PTPRE: variants seen among roughly 807,000 people sequenced by gnomAD.
The protein encoded by PTPRE is receptor-type tyrosine-protein phosphatase epsilon.
In PTPRE, 51 loss-of-function variants were observed where a neutral mutation model predicts 102.0. The observed-to-expected ratio is 0.50, with a 90% CI of 0.40 to 0.63. PTPRE has a LOEUF of 0.63. Ranked by LOEUF, PTPRE falls within the 30% of genes least tolerant of loss-of-function variation. The probability of loss-of-function intolerance (pLI) is 0.00; values close to 1 mark genes in which losing one functional copy is unlikely to be tolerated. For synonymous variants in PTPRE, 345 were observed against 348.2 expected, an observed-to-expected ratio of 0.99 and a Z score of 0.10; for missense variants, 752 against 915.1, an observed-to-expected ratio of 0.82 and a Z score of 2.30.
chr10:127,940,356 C>A (rs1321929946), intron 1 of PTPRE, among the ~76,000 whole-genome samples: 3 of 152,212 alleles, frequency 2.0e-5, no homozygotes, highest in African/African-American at 7.2e-5. Flanking sequence ...GCCCAGCCAA[C>A]CCCTAGGACA....
chr10:128,072,016 G>C, intron 15 of PTPRE, 122 bp from the exon 16 acceptor site: 1 of 695,070 alleles, frequency 1.4e-6, no homozygotes, highest in Admixed American at 3.0e-5. Context: ...ACTTTCCAAA[G>C]AGTTGGCTTT....
At chr10:127,971,493 G>A (rs1410380279) in intron 1 of PTPRE, among the ~76,000 whole-genome samples, 2 of 152,164 alleles carry the variant, frequency 1.3e-5, no homozygotes, top group Non-Finnish European at 2.9e-5. Context: ...GTTTTCACTC[G>A]GTGCCGCCCT....
chr10:127,993,788 C>T (rs61873724), intron 2 of PTPRE, among the ~76,000 whole-genome samples: 25 of 70,002 alleles, frequency 3.6e-4, no homozygotes, highest in Non-Finnish European at 5.0e-4. Flanking sequence ...TGTGTGTGTG[C>T]GTGTGTGTGT....
chr10:128,021,482 T>A (rs1261405472), intron 2 of PTPRE, among the ~76,000 whole-genome samples: 1 of 152,222 alleles, frequency 6.6e-6, no homozygotes, highest in African/African-American at 2.4e-5. Context: ...TCAGGTTGCC[T>A]TCAGCATCCA....
At chr10:128,016,872 G>A (rs977219420) in intron 2 of PTPRE, among the ~76,000 whole-genome samples, 2 of 152,236 alleles carry the variant, frequency 1.3e-5, no homozygotes, top group African/African-American at 2.4e-5. Context: ...ACCTGTGGCC[G>A]CTGTGGAGCC....
In PTPRE at chr10:127,914,918, G is replaced by A. The variant is rs1232837052; in HGVS notation, c.-31+7609G>A. Reference sequence around the variant, plus strand: ...TGGCATATCCTCATGTCAGGGCGTGGAGCTAATATTCAGACCCAAACACTC... The same window carrying A: ...TGGCATATCCTCATGTCAGGGCGTGAAGCTAATATTCAGACCCAAACACTC... On this transcript the variant is annotated intron_variant, in intron 1 of 20. Coordinates refer to ENST00000254667, the MANE Select transcript of PTPRE (RefSeq NM_006504.6). 3.9e-5 allele frequency among the ~76,000 whole-genome samples: 6 copies of A among 152,254 alleles called. No homozygotes were observed. The East Asian group carries it at 7.7e-4, about 20-fold the overall frequency.
rs964949968 is a variant in PTPRE, at chr10:128,008,476, C to G, written c.-8+26180C>G. Among the ~76,000 whole-genome samples the G allele has an allele frequency of 2.9e-4, 44 of 152,208 alleles. No homozygotes were observed. The highest frequency in any genetic ancestry group is 4.4e-5 in the Non-Finnish European group (3 of 68,046). ...AGGGATAATGTCAAACAGCCAGTCC[C>G]GGGTTTCTAAACCCAGTTGATCAAT... On this transcript the variant is annotated intron_variant, in intron 2 of 20. Coordinates refer to ENST00000254667, the MANE Select transcript of PTPRE (RefSeq NM_006504.6). The surrounding 1 kb of genome is among the most constrained non-coding windows in gnomAD (Gnocchi z 4.0).
intron 1 of PTPRE, among the ~76,000 whole-genome samples, chr10:127,933,622 A>G (rs1156389203): frequency 1.3e-5 from 2 of 152,232 alleles, no homozygotes; most frequent in Non-Finnish European, 2.9e-5. Context: ...AAGCATAATC[A>G]CAAATTAATA....
intron 1 of PTPRE, among the ~76,000 whole-genome samples, chr10:127,939,911 T>G (rs1220828473): frequency 2.8e-5 from 4 of 144,030 alleles, no homozygotes; most frequent in African/African-American, 1.1e-4. Flanking sequence ...TGCAGGCAGA[T>G]GTAGGCAGGT....
chr10:127,915,995 G>GAAAA (rs553726682), intron 1 of PTPRE, among the ~76,000 whole-genome samples: 5 of 134,664 alleles, frequency 3.7e-5, no homozygotes, highest in African/African-American at 1.4e-4. Flanking sequence ...GAGTTACAGG[G>GAAAA]AAAAAAAAAA....
intron 2 of PTPRE, among the ~76,000 whole-genome samples, chr10:128,032,316 G>A (rs575457581): frequency 1.3e-5 from 2 of 152,204 alleles, no homozygotes; most frequent in South Asian, 2.1e-4. Context: ...ATGCCTGGCT[G>A]AAAATTAAAC....
chr10:127,908,860 C>T (rs1279578927), intron 1 of PTPRE, among the ~76,000 whole-genome samples: 2 of 152,202 alleles, frequency 1.3e-5, no homozygotes, highest in African/African-American at 4.8e-5. Flanking sequence ...GAGCTAGGAG[C>T]TAGATTTGTC....
chr10:128,077,823 C>T, intron 19 of PTPRE, 40 bp downstream of exon 19: 2 of 1,552,658 alleles, frequency 1.3e-6, no homozygotes, highest in Non-Finnish European at 8.8e-7. Context: ...GGGGTGGACA[C>T]AGGCTGCACC....
At chr10:127,932,570 C>T (rs1391731656) in intron 1 of PTPRE, among the ~76,000 whole-genome samples, 1 of 152,216 alleles carries the variant, frequency 6.6e-6, no homozygotes, top group Non-Finnish European at 1.5e-5. Context: ...GTTTTTTACT[C>T]TGCTTTCCCT....
intron 1 of PTPRE, among the ~76,000 whole-genome samples, chr10:127,945,828 T>A (rs1341820455): frequency 6.6e-6 from 1 of 152,328 alleles, no homozygotes; most frequent in East Asian, 1.9e-4. Context: ...GTTTTATCCT[T>A]CATCGTTGCT....
intron 7 of PTPRE, 150 bp from the exon 8 acceptor site, chr10:128,060,789 C>G: frequency 1.5e-6 from 1 of 668,544 alleles, no homozygotes; most frequent in East Asian, 2.8e-5. Context: ...GGAAGAACAT[C>G]TCTGCCATCC....
intron 1 of PTPRE, among the ~76,000 whole-genome samples, chr10:127,910,985 G>T (rs762585398): frequency 1.3e-5 from 2 of 152,152 alleles, no homozygotes; most frequent in Non-Finnish European, 2.9e-5. Flanking sequence ...AGGAGGCTGA[G>T]GTGAGAGAAA....
chr10:128,005,778 G>T (rs1854473297), intron 2 of PTPRE, among the ~76,000 whole-genome samples: 1 of 152,188 alleles, frequency 6.6e-6, no homozygotes, highest in Non-Finnish European at 1.5e-5. Context: ...CAATAGAGGT[G>T]TGTGGTCCCG....
At chr10:128,069,172 C>A (rs903726869) in intron 12 of PTPRE, 1 of 139,516 alleles carries the variant, frequency 7.2e-6, no homozygotes, top group African/African-American at 2.6e-5. Flanking sequence ...AGAGGCTGGA[C>A]CCCACCCCAC....
Sources: allele counts gnomAD v4.1 joint callset (sites outside exome capture counted in the v4.1 genomes callset), GRCh38; gene constraint gnomAD v4.1.1; non-coding constraint Gnocchi (gnomAD v3.1); transcripts MANE v1.5; gene names NCBI Gene and HGNC (gene_info 2026-07-23, HGNC 2026-07-21).